Variants in TTC34 observed in about 807,000 individuals in gnomAD.
TTC34 encodes tetratricopeptide repeat protein 34.
A neutral mutation model predicts 40.7 loss-of-function variants in TTC34; 44 were observed. The observed-to-expected ratio is 1.08, with a 90% confidence interval of 0.85 to 1.39. The LOEUF (loss-of-function observed/expected upper bound fraction) is 1.39. Among genes scored for constraint, TTC34 ranks in the 40% most tolerant of loss-of-function variants. TTC34 has a pLI of 0.00. For synonymous variants in TTC34, 422 were observed against 398.6 expected, an observed-to-expected ratio of 1.06 and a Z score of -0.70; for missense variants, 884 against 838.0, an observed-to-expected ratio of 1.05 and a Z score of -0.68.
intron 6 of TTC34, among the ~76,000 whole-genome samples, chr1:2,749,807 C>A (rs1641258213): frequency 1.0e-5 from 1 of 98,412 alleles, no homozygotes; most frequent in Non-Finnish European, 2.1e-5. Context: ...ACCCACACCC[C>A]CAGGTGAGCA....
chr1:2,781,184 C>T (rs1471254202), intron 6 of TTC34, among the ~76,000 whole-genome samples: 5 of 152,102 alleles, frequency 3.3e-5, no homozygotes, highest in Admixed American at 6.6e-5. Context: ...ACACAGAGGG[C>T]CAACTTTTCA....
rs1557580295 is a variant in TTC34, at chr1:2,645,441, C to T, written c.2349G>A (p.Arg783=). 6 of 1,535,506 alleles carry T rather than the reference C, an allele frequency of 3.9e-6. No homozygotes were observed. Among genetic ancestry groups the T allele is most frequent in the Non-Finnish European group, 5.2e-6 (6 of 1,146,670 alleles). The change falls in exon 7 of 9, where the codon CGG becomes CGA. Residue 783 remains arginine, a synonymous_variant. Transcript: ENST00000401095. This position sits in a 1 kb window ranked among gnomAD's most constrained non-coding sequence, Gnocchi z 4.7. Reference sequence around the variant, plus strand: ...TGTCTGGCAGCTGGCTCAGAAGGGCCCGGCAGTGGGAGTAGAGGCCCTGTG... The same window carrying T: ...TGTCTGGCAGCTGGCTCAGAAGGGCTCGGCAGTGGGAGTAGAGGCCCTGTG...
intron 6 of TTC34, among the ~76,000 whole-genome samples, chr1:2,651,924 C>T (rs966797242): frequency 6.6e-6 from 1 of 152,148 alleles, no homozygotes; most frequent in East Asian, 1.9e-4. Context: ...GCACCCTGCA[C>T]TCAGGGGAGC....
At chr1:2,692,426 C>G (rs1214322688) in intron 6 of TTC34, among the ~76,000 whole-genome samples, 2 of 118,176 alleles carry the variant, frequency 1.7e-5, no homozygotes, top group East Asian at 2.2e-4. Context: ...ACCCACACCC[C>G]CAGGTGAGCA....
At chr1:2,687,083 C>T (rs4648679) in intron 6 of TTC34, among the ~76,000 whole-genome samples, 301 of 110,056 alleles carry the variant, frequency 2.7e-3, no homozygotes, top group African/African-American at 6.3e-3. Context: ...AGGACCCACA[C>T]CCCCAGGTGA....
chr1:2,692,130 G>A (rs1640648650), intron 6 of TTC34, among the ~76,000 whole-genome samples: 1 of 107,506 alleles, frequency 9.3e-6, no homozygotes, highest in African/African-American at 3.4e-5. Flanking sequence ...TGACAGCCTG[G>A]GTCGGCACCC....
At chr1:2,784,136 G>A (rs1349035413) in intron 5 of TTC34, among the ~76,000 whole-genome samples, 2 of 152,176 alleles carry the variant, frequency 1.3e-5, no homozygotes, top group East Asian at 1.9e-4. Flanking sequence ...CATACAAGAC[G>A]AGGGGGGCAG....
intron 6 of TTC34, among the ~76,000 whole-genome samples, chr1:2,649,715 T>C (rs1287021770): frequency 1.3e-5 from 2 of 152,174 alleles, no homozygotes; most frequent in Non-Finnish European, 2.9e-5. Context: ...GAGACGGGGT[T>C]TCACCATGTT....
intron 6 of TTC34, among the ~76,000 whole-genome samples, chr1:2,756,305 AC>A (rs1470721131): frequency 3.7e-5 from 4 of 109,366 alleles, no homozygotes; most frequent in Admixed American, 8.7e-5. Context: ...CAGCTCCCAC[AC>A]CCCCAGGTGA....
chr1:2,688,138 G>A (rs1469475643), intron 6 of TTC34, among the ~76,000 whole-genome samples: 2 of 149,402 alleles, frequency 1.3e-5, no homozygotes, highest in African/African-American at 2.5e-5. Context: ...CCCCAGGCGA[G>A]CATCTGACGG....
intron 2 of TTC34, among the ~76,000 whole-genome samples, chr1:2,791,436 T>C: frequency 6.6e-6 from 1 of 152,140 alleles, no homozygotes; most frequent in East Asian, 1.9e-4. Context: ...CCCCATTCAA[T>C]AGCAACAACA....
intron 6 of TTC34, among the ~76,000 whole-genome samples, chr1:2,656,133 AG>A (rs148918935): frequency 6.7e-6 from 1 of 149,738 alleles, no homozygotes; most frequent in African/African-American, 2.5e-5. Flanking sequence ...CAGAACCCAC[AG>A]CCCCAGGTGA....
rs1340368969 is a variant in TTC34, at chr1:2,750,872, G to A, written c.2226+32737C>T. On this transcript the variant is annotated intron_variant, in intron 6 of 8. Transcript: ENST00000401095. ...ACCCAGGTGAGCATCTGACAGCGTGGAGCAGCACCCAAACCCCCAGGCGAG... is the reference window on the plus strand; with the variant it reads ...ACCCAGGTGAGCATCTGACAGCGTGAAGCAGCACCCAAACCCCCAGGCGAG... 2.5e-5 allele frequency among the ~76,000 whole-genome samples: 3 copies of A among 119,644 alleles called. 1 individual carries two copies. Among genetic ancestry groups the A allele is most frequent in the Non-Finnish European group, 5.0e-5 (3 of 60,010 alleles). The allele number at this position is 119,644 out of a possible 152,430, so 78.5% of individuals were successfully genotyped here. A position where few individuals can be genotyped will look rare whatever the true frequency, so the allele number is the denominator to read the frequency against.
intron 6 of TTC34, among the ~76,000 whole-genome samples, chr1:2,686,609 C>G (rs1281020484): frequency 2.6e-4 from 13 of 50,920 alleles, no homozygotes; most frequent in East Asian, 1.2e-3. Context: ...CACCCCCAGG[C>G]GAGCATCTGA....
rs1641495430 is a variant in TTC34, at chr1:2,756,074, A to G, written c.2226+27535T>C. 2.6e-5 allele frequency among the ~76,000 whole-genome samples: 2 copies of G among 76,788 alleles called. 1 individual carries two copies. Among genetic ancestry groups the G allele is most frequent in the Non-Finnish European group, 4.5e-5 (2 of 44,612 alleles). The allele number at this position is 76,788 out of a possible 152,430, so 50.4% of individuals were successfully genotyped here. A position where few individuals can be genotyped will look rare whatever the true frequency, so the allele number is the denominator to read the frequency against. On this transcript the variant is annotated intron_variant, in intron 6 of 8. Transcript: ENST00000401095. ...GGAACAGCACCCATACGCCAAGATGAGCATCTGACAGCGTGGAACAGCACC... is the reference window on the plus strand; with the variant it reads ...GGAACAGCACCCATACGCCAAGATGGGCATCTGACAGCGTGGAACAGCACC...
At chr1:2,768,734 A>T (rs1459089237) in intron 6 of TTC34, among the ~76,000 whole-genome samples, 1 of 98,906 alleles carries the variant, frequency 1.0e-5, no homozygotes, top group Non-Finnish European at 2.1e-5. Flanking sequence ...TGGAAAAACA[A>T]CCCCCTTCAG....
intron 6 of TTC34, among the ~76,000 whole-genome samples, chr1:2,695,986 G>T: frequency 7.9e-6 from 1 of 126,742 alleles, no homozygotes; most frequent in Non-Finnish European, 1.7e-5. Flanking sequence ...GCCTGGAACA[G>T]AACCCACACC....
exon 9 of TTC34, chr1:2,641,780 C>A: frequency 6.5e-7 from 1 of 1,535,194 alleles, no homozygotes; most frequent in Non-Finnish European, 8.7e-7. Context: ...GCAGGTGGCC[C>A]GCAGACGCAG....
At position 2,651,820 on chromosome 1, in the gene TTC34, G is replaced by T. The variant is rs866100415; in HGVS notation, c.2227-6257C>A. ...CACCCTCCACCACCAGGTGATCATC[G>T]GACAGCCTGGAACGGTACCACCAAT... On this transcript the variant is annotated intron_variant, in intron 6 of 8. Transcript: ENST00000401095. Among the ~76,000 whole-genome samples the T allele has an allele frequency of 3.2e-3, 478 of 151,516 alleles. 1 individual carries two copies. Among genetic ancestry groups the T allele is most frequent in the African/African-American group, 0.011 (450 of 41,278 alleles).
Sources: allele counts gnomAD v4.1 joint callset (sites outside exome capture counted in the v4.1 genomes callset), GRCh38; gene constraint gnomAD v4.1.1; non-coding constraint Gnocchi (gnomAD v3.1); transcripts MANE v1.5; gene names NCBI Gene and HGNC (gene_info 2026-07-23, HGNC 2026-07-21).